Variants in SATB2 observed in about 807,000 individuals in gnomAD.
SATB2 encodes the protein SATB homeobox 2, also known as DNA-binding protein SATB2.
In SATB2, 1 loss-of-function variant was observed where a neutral mutation model predicts 73.4. The observed-to-expected ratio is 0.01, with a 90% CI of 0.00 to 0.06. SATB2 has a LOEUF of 0.06. SATB2 is among the 10% of genes least tolerant of loss of function. SATB2 has a pLI of 1.00. For missense variants in SATB2, 459 were observed against 945.8 expected, an observed-to-expected ratio of 0.49 and a Z score of 6.75; for synonymous variants, 397 against 367.0, an observed-to-expected ratio of 1.08 and a Z score of -0.93.
At chr2:199,462,101 G>A (rs1692488682), upstream of SATB2, among the ~76,000 whole-genome samples, 1 of 152,196 alleles carries the variant, frequency 6.6e-6, no homozygotes, top group African/African-American at 2.4e-5. The surrounding 1 kb of genome is among the most constrained non-coding windows in gnomAD (Gnocchi z 5.9). Context: ...CAGGCAGAGA[G>A]ACCCTGCCTT....
intron 3 of SATB2, among the ~76,000 whole-genome samples, chr2:199,401,532 T>A (rs1690477731): frequency 6.6e-6 from 1 of 150,406 alleles, no homozygotes; most frequent in East Asian, 1.9e-4. Context: ...CGAGCAAGAC[T>A]CTGTCTCAAA....
At chr2:199,440,915 A>G (rs1691796470) in intron 2 of SATB2, among the ~76,000 whole-genome samples, 2 of 150,782 alleles carry the variant, frequency 1.3e-5, no homozygotes, top group East Asian at 1.9e-4. Context: ...CAATGGTGCA[A>G]TCTCGACTCA....
At chr2:199,423,621 ACC>A (rs1303816432) in intron 3 of SATB2, 1 of 152,044 alleles carries the variant, frequency 6.6e-6, no homozygotes, top group African/African-American at 2.4e-5. Flanking sequence ...AAGTCTCTTC[ACC>A]CCCTTAAGGA....
chr2:199,296,155 C>T (rs1484433801), intron 10 of SATB2, among the ~76,000 whole-genome samples: 2 of 152,212 alleles, frequency 1.3e-5, no homozygotes, highest in Non-Finnish European at 2.9e-5. Flanking sequence ...AACTGGGTCT[C>T]TGAGTCCAAT....
At chr2:199,402,698 T>A (rs1313537350) in intron 3 of SATB2, among the ~76,000 whole-genome samples, 1 of 152,224 alleles carries the variant, frequency 6.6e-6, no homozygotes, top group Non-Finnish European at 1.5e-5. Context: ...GGTACAAAGG[T>A]TTTTGTTTTA....
At chr2:199,296,677 C>T (rs987941449) in intron 10 of SATB2, among the ~76,000 whole-genome samples, 5 of 151,776 alleles carry the variant, frequency 3.3e-5, no homozygotes, top group Admixed American at 6.6e-5. Context: ...CCAGCCTGAG[C>T]AACCAGAGTA....
chr2:199,341,613 G>A (rs960002568), intron 7 of SATB2, among the ~76,000 whole-genome samples: 2 of 152,022 alleles, frequency 1.3e-5, no homozygotes, highest in Admixed American at 6.6e-5. Context: ...AGCTATAGGG[G>A]GCATAGGTTT....
intron 3 of SATB2, 60 bp downstream of exon 3, chr2:199,433,278 A>G: frequency 6.6e-7 from 1 of 1,526,072 alleles, no homozygotes; most frequent in Non-Finnish European, 8.9e-7. Context: ...CAGAAAACAT[A>G]TTCTTCCTCA....
At chr2:199,277,689 T>C (rs531094340) in intron 10 of SATB2, among the ~76,000 whole-genome samples, 3 of 152,346 alleles carry the variant, frequency 2.0e-5, no homozygotes, top group Admixed American at 2.0e-4. Context: ...AATATCTAAG[T>C]AGCTTTAATA....
intron 3 of SATB2, among the ~76,000 whole-genome samples, chr2:199,407,972 A>C (rs1335660454): frequency 1.3e-5 from 2 of 152,212 alleles, no homozygotes; most frequent in Non-Finnish European, 2.9e-5. Context: ...TGTAATCCCA[A>C]ACCATGATCC....
intron 10 of SATB2, among the ~76,000 whole-genome samples, chr2:199,291,327 C>T (rs914269324): frequency 6.6e-5 from 10 of 152,110 alleles, no homozygotes; most frequent in Admixed American, 5.2e-4. Flanking sequence ...TGCCTGTCTT[C>T]GTAGCTTACT....
At chr2:199,384,504 T>C (rs1689871258) in intron 3 of SATB2, among the ~76,000 whole-genome samples, 1 of 152,244 alleles carries the variant, frequency 6.6e-6, no homozygotes, top group South Asian at 2.1e-4. Flanking sequence ...CTGTCTAACG[T>C]ACTGTGTTAA....
chr2:199,434,627 G>T (rs900546227), intron 2 of SATB2, among the ~76,000 whole-genome samples: 1 of 152,116 alleles, frequency 6.6e-6, no homozygotes, highest in African/African-American at 2.4e-5. Context: ...TGAAGACTGG[G>T]TGAGTAGGCA....
At chr2:199,295,332 A>G (rs917913411) in intron 10 of SATB2, among the ~76,000 whole-genome samples, 9 of 152,108 alleles carry the variant, frequency 5.9e-5, no homozygotes, top group African/African-American at 1.9e-4. Flanking sequence ...TAAATAATAC[A>G]CGGATGGCCA....
intron 3 of SATB2, chr2:199,423,546 A>G (rs1233109241): frequency 2.0e-5 from 3 of 151,998 alleles, no homozygotes; most frequent in Non-Finnish European, 4.4e-5. Flanking sequence ...GCATGGAAAG[A>G]TTTTTTTCAT....
chr2:199,296,125 C>T (rs1416379863), intron 10 of SATB2, among the ~76,000 whole-genome samples: 1 of 152,138 alleles, frequency 6.6e-6, no homozygotes, highest in Non-Finnish European at 1.5e-5. Flanking sequence ...ATTGCCAAAA[C>T]TATCAGTCAT....
chr2:199,417,217 G>A (rs572521245), intron 3 of SATB2, among the ~76,000 whole-genome samples: 3 of 149,572 alleles, frequency 2.0e-5, no homozygotes, highest in South Asian at 2.1e-4. Flanking sequence ...AATATAATTC[G>A]GCATGAAGCT....
At chr2:199,274,355 T>C (rs944403336) in intron 10 of SATB2, among the ~76,000 whole-genome samples, 1 of 151,288 alleles carries the variant, frequency 6.6e-6, no homozygotes, top group Non-Finnish European at 1.5e-5. Context: ...AAAGCAAGCA[T>C]TTAAGAAAAA....
chr2:199,335,864 G>T (rs1011035737), intron 7 of SATB2, among the ~76,000 whole-genome samples: 2 of 152,104 alleles, frequency 1.3e-5, no homozygotes, highest in Non-Finnish European at 2.9e-5. Flanking sequence ...TCACAGATTT[G>T]TTTTTTGTGG....
Sources: allele counts gnomAD v4.1 joint callset (sites outside exome capture counted in the v4.1 genomes callset), GRCh38; gene constraint gnomAD v4.1.1; non-coding constraint Gnocchi (gnomAD v3.1); transcripts MANE v1.5; gene names NCBI Gene and HGNC (gene_info 2026-07-23, HGNC 2026-07-21).